Variants in DLG2 observed in about 807,000 individuals in gnomAD.
The protein encoded by DLG2 is discs large MAGUK scaffold protein 2, also known as disks large homolog 2.
Under a neutral mutation model 132.5 loss-of-function variants are expected in DLG2, and 45 were observed. The ratio of observed to expected loss-of-function variants is 0.34; its 90% CI spans 0.27 to 0.44. DLG2 has a LOEUF of 0.44. Among genes scored for constraint, DLG2 ranks in the 20% least tolerant of loss-of-function variants. DLG2 has a pLI of 1.00. For synonymous variants in DLG2, 424 were observed against 419.6 expected (o/e 1.01, Z -0.13); for missense variants, 1,045 against 1,196.9 (o/e 0.87, Z 1.87).
chr11:84,172,832 G>A (rs887188107), intron 8 of DLG2, among the ~76,000 whole-genome samples: 1 of 152,082 alleles, frequency 6.6e-6, no homozygotes, highest in Non-Finnish European at 1.5e-5. Context: ...GTGAGCCACT[G>A]TGCAAGGCCC....
chr11:84,137,706 A>G (rs1482608847), intron 9 of DLG2, among the ~76,000 whole-genome samples: 1 of 152,138 alleles, frequency 6.6e-6, no homozygotes, highest in East Asian at 1.9e-4. Context: ...ATGTGGCTAT[A>G]AATTGTGCAT....
chr11:84,830,445 G>A (rs2078891420), intron 6 of DLG2, among the ~76,000 whole-genome samples: 1 of 151,298 alleles, frequency 6.6e-6, no homozygotes, highest in Non-Finnish European at 1.5e-5. Flanking sequence ...TGTGTTGGAG[G>A]TGAAGTGAGA....
intron 3 of DLG2, among the ~76,000 whole-genome samples, chr11:85,514,959 T>C (rs922739108): frequency 6.6e-6 from 1 of 151,958 alleles, no homozygotes; most frequent in Non-Finnish European, 1.5e-5. Flanking sequence ...CTTGAATTAC[T>C]TGGAGGATTT....
At chr11:84,759,615 T>A (rs759290098) in intron 6 of DLG2, among the ~76,000 whole-genome samples, 2 of 152,192 alleles carry the variant, frequency 1.3e-5, no homozygotes, top group Non-Finnish European at 2.9e-5. Context: ...TTGGGAAGTA[T>A]GGACCACCCT....
chr11:85,468,246 T>C (rs564303264), intron 3 of DLG2, among the ~76,000 whole-genome samples: 8 of 152,294 alleles, frequency 5.3e-5, no homozygotes, highest in African/African-American at 1.7e-4. Context: ...ATTTTGTTGA[T>C]CTTTTCAAAA....
intron 7 of DLG2, among the ~76,000 whole-genome samples, chr11:84,363,250 C>T (rs1040002018): frequency 7.9e-5 from 12 of 152,162 alleles, no homozygotes; most frequent in Middle Eastern, 3.4e-3. Context: ...TTGCATTTCT[C>T]TGATAGCCAG....
intron 16 of DLG2, among the ~76,000 whole-genome samples, chr11:83,843,613 G>A (rs1386234799): frequency 8.5e-5 from 7 of 82,356 alleles, no homozygotes; most frequent in South Asian, 4.0e-4. Context: ...TTTCATGAAC[G>A]GAAAAAAAAG....
chr11:84,408,283 G>T (rs924310092), intron 7 of DLG2, among the ~76,000 whole-genome samples: 2 of 151,834 alleles, frequency 1.3e-5, no homozygotes, highest in African/African-American at 4.8e-5. Context: ...CCAAGAAGAA[G>T]AAATGAAATA....
Position 83,816,788 on chromosome 11 carries a change from T to C in DLG2, c.1722+16826A>G, listed in dbSNP as rs567141948. On this transcript the variant is annotated intron_variant, in intron 17 of 27. Transcript: ENST00000376104. ...GTTTGCTTTCATTGCCCTCTAGTGGTTGCTATACAAAAGATATAACTACAT... is the reference window on the plus strand; with the variant it reads ...GTTTGCTTTCATTGCCCTCTAGTGGCTGCTATACAAAAGATATAACTACAT... Among the ~76,000 whole-genome samples, 5 of 152,318 alleles carry C rather than the reference T, an allele frequency of 3.3e-5. No individual in the cohort carries two copies. In the East Asian group the frequency reaches 9.7e-4, roughly 29 times the overall value.
chr11:85,212,177 A>C (rs2082295682), intron 4 of DLG2, among the ~76,000 whole-genome samples: 1 of 152,046 alleles, frequency 6.6e-6, no homozygotes, highest in African/African-American at 2.4e-5. Context: ...CCTCGACCCC[A>C]CTAGTCACAG....
At chr11:83,681,784 GGA>G (rs1566507310) in intron 18 of DLG2, 1 of 152,162 alleles carries the variant, frequency 6.6e-6, no homozygotes. Flanking sequence ...CGATTGCTGA[GGA>G]GAGTGAATTA....
chr11:85,276,924 T>C (rs1048417506), intron 4 of DLG2, among the ~76,000 whole-genome samples: 3 of 152,144 alleles, frequency 2.0e-5, no homozygotes, highest in African/African-American at 7.2e-5. Flanking sequence ...TGTCAAACAC[T>C]ATAACAGAGG....
At chr11:83,535,144 A>C (rs1276611529) in intron 20 of DLG2, among the ~76,000 whole-genome samples, 1 of 152,152 alleles carries the variant, frequency 6.6e-6, no homozygotes, top group Non-Finnish European at 1.5e-5. Context: ...CTCGATTTTA[A>C]TCCAAGGGCA....
At chr11:84,934,952 C>G (rs578094033) in intron 6 of DLG2, among the ~76,000 whole-genome samples, 1 of 152,202 alleles carries the variant, frequency 6.6e-6, no homozygotes, top group African/African-American at 2.4e-5. Flanking sequence ...TTGCCTGTTA[C>G]TGGAACTTCG....
At chr11:85,092,643 CTT>C (rs551838341) in intron 6 of DLG2, among the ~76,000 whole-genome samples, 3 of 132,210 alleles carry the variant, frequency 2.3e-5, no homozygotes, top group Non-Finnish European at 3.3e-5. Context: ...GTACACGTGA[CTT>C]TTTTTTTTTT....
chr11:84,184,036 A>G (rs1195293949), intron 8 of DLG2, among the ~76,000 whole-genome samples: 1 of 151,930 alleles, frequency 6.6e-6, no homozygotes, highest in East Asian at 1.9e-4. Context: ...CAATAAACAT[A>G]CGTGTGCACG....
intron 7 of DLG2, among the ~76,000 whole-genome samples, chr11:84,300,046 G>A (rs1180743521): frequency 6.6e-6 from 1 of 151,962 alleles, no homozygotes; most frequent in Non-Finnish European, 1.5e-5. Context: ...TTTGATTTTG[G>A]GTGGAGGCTG....
intron 3 of DLG2, among the ~76,000 whole-genome samples, chr11:85,530,264 G>A (rs985992885): frequency 4.0e-5 from 6 of 151,500 alleles, no homozygotes; most frequent in Admixed American, 3.9e-4. Context: ...CCAAAGTGCT[G>A]GGATTACAAG....
chr11:84,341,638 G>A (rs1446732873), intron 7 of DLG2, among the ~76,000 whole-genome samples: 1 of 152,190 alleles, frequency 6.6e-6, no homozygotes, highest in Non-Finnish European at 1.5e-5. Flanking sequence ...AGACAATGCT[G>A]CCCAAGGGCG....
Sources: gnomAD v4.1 joint callset for allele counts (sites outside exome capture counted in the v4.1 genomes callset) on GRCh38, gnomAD v4.1.1 for gene constraint, MANE v1.5 for transcripts, NCBI Gene and HGNC (gene_info 2026-07-23, HGNC 2026-07-21) for gene names.